PPFIA2: variants seen among roughly 807,000 people sequenced by gnomAD.
PPFIA2 encodes the protein liprin-alpha-2.
PPFIA2 carries 46 observed loss-of-function variants against 175.5 expected under a neutral mutation model. The observed-to-expected ratio is 0.26, with a 90% CI of 0.21 to 0.34. The LOEUF (loss-of-function observed/expected upper bound fraction) is 0.34. Ranked by LOEUF, PPFIA2 falls within the 10% of genes least tolerant of loss-of-function variation. The pLI is 1.00. For synonymous variants in PPFIA2, 568 were observed against 511.4 expected, an observed-to-expected ratio of 1.11 and a Z score of -1.49; for missense variants, 1,179 against 1,506.1, an observed-to-expected ratio of 0.78 and a Z score of 3.60.
At chr12:81,592,776 C>T (rs868137376) in intron 4 of PPFIA2, among the ~76,000 whole-genome samples, 1 of 152,006 alleles carries the variant, frequency 6.6e-6, no homozygotes, top group Non-Finnish European at 1.5e-5. Flanking sequence ...CGAACTAATA[C>T]ACAGGGTATC....
chr12:81,313,664 T>G (rs1172616797), intron 22 of PPFIA2, among the ~76,000 whole-genome samples: 1 of 152,030 alleles, frequency 6.6e-6, no homozygotes, highest in African/African-American at 2.4e-5. Context: ...GATTTTCTTG[T>G]CAACATACCT....
Position 81,405,846 on chromosome 12 carries a change from C to T in PPFIA2, c.703G>A (p.Gly235Arg), listed in dbSNP as rs1263390092. The T allele has an allele frequency of 6.3e-7, 1 of 1,581,736 alleles. No homozygotes were observed. Among genetic ancestry groups the T allele is most frequent in the East Asian group, 2.3e-5 (1 of 43,838 alleles). Residue 235 changes from glycine (G) to arginine (R), a missense_variant, in exon 8 of 33, where the codon GGA (glycine) becomes AGA (arginine). This residue lies in a region of PPFIA2 where 226 missense variants were observed against 216.6 expected (regional missense o/e 1.04). Transcript: ENST00000549396. ...TCAAGATGTTCTGACTCTGTGGATC[C>T]CTCGCTTGATGCCATTTTTCTTTGT... ...HIQRKMASSE[G>R]STESEHLEGM...
At chr12:81,692,432 G>A (rs1383746821) in intron 3 of PPFIA2, among the ~76,000 whole-genome samples, 1 of 151,952 alleles carries the variant, frequency 6.6e-6, no homozygotes, top group Non-Finnish European at 1.5e-5. Context: ...AAGTGTTCAG[G>A]TAATTATTTA....
chr12:81,264,943 T>C (rs1350659515), intron 30 of PPFIA2, among the ~76,000 whole-genome samples: 3 of 151,722 alleles, frequency 2.0e-5, no homozygotes, highest in Admixed American at 1.3e-4. Flanking sequence ...TAAAACACTA[T>C]GTTACACTGT....
At chr12:81,542,332 T>C (rs528631181) in intron 4 of PPFIA2, among the ~76,000 whole-genome samples, 1 of 152,242 alleles carries the variant, frequency 6.6e-6, no homozygotes, top group South Asian at 2.1e-4. Context: ...GAAAGGAGCA[T>C]GGCTCTGCCA....
chr12:81,356,028 A>G (rs1461788660), intron 16 of PPFIA2, among the ~76,000 whole-genome samples: 2 of 152,186 alleles, frequency 1.3e-5, no homozygotes, highest in African/African-American at 4.8e-5. Flanking sequence ...GGCTTAACTC[A>G]GCTTTTGACA....
At chr12:81,593,963 T>C (rs1452049823) in intron 4 of PPFIA2, among the ~76,000 whole-genome samples, 2 of 152,168 alleles carry the variant, frequency 1.3e-5, no homozygotes, top group Non-Finnish European at 2.9e-5. Flanking sequence ...AAGCTTCATC[T>C]GTATTTACAG....
chr12:81,612,317 T>C (rs1191316906), intron 4 of PPFIA2, among the ~76,000 whole-genome samples: 1 of 152,158 alleles, frequency 6.6e-6, no homozygotes, highest in African/African-American at 2.4e-5. Context: ...CTCACTCACT[T>C]GTTCAACAAA....
At chr12:81,318,426 A>G (rs1479919073) in intron 22 of PPFIA2, among the ~76,000 whole-genome samples, 1 of 151,766 alleles carries the variant, frequency 6.6e-6, no homozygotes, top group East Asian at 1.9e-4. Context: ...GGTAAATTAT[A>G]TATGTTCCCC....
At chr12:81,420,340 G>A (rs745790742) in intron 7 of PPFIA2, among the ~76,000 whole-genome samples, 8 of 151,980 alleles carry the variant, frequency 5.3e-5, no homozygotes, top group Non-Finnish European at 8.8e-5. Flanking sequence ...AAGAAATGGA[G>A]AATAATAAGT....
At chr12:81,697,011 A>G (rs565234149) in intron 3 of PPFIA2, among the ~76,000 whole-genome samples, 19 of 152,208 alleles carry the variant, frequency 1.2e-4, no homozygotes, top group African/African-American at 4.1e-4. Context: ...CAGGTTTGTT[A>G]TGAGTCTAGA....
chr12:81,314,256 G>GT (rs1038895355), intron 22 of PPFIA2, among the ~76,000 whole-genome samples: 12 of 151,704 alleles, frequency 7.9e-5, no homozygotes, highest in Admixed American at 7.9e-4. Flanking sequence ...TTGCAGAGAA[G>GT]TTTTTTCTGA....
At chr12:81,537,750 C>T (rs372704388) in intron 4 of PPFIA2, among the ~76,000 whole-genome samples, 1 of 151,800 alleles carries the variant, frequency 6.6e-6, no homozygotes, top group Non-Finnish European at 1.5e-5. Flanking sequence ...TTTCCAGGGC[C>T]TGACACCATG....
In PPFIA2 at chr12:81,685,131, T is replaced by C. The variant is rs147987703; in HGVS notation, c.250-8287A>G. 5.9e-4 allele frequency among the ~76,000 whole-genome samples: 90 copies of C among 152,168 alleles called. 1 individual carries two copies. Among genetic ancestry groups the C allele is most frequent in the African/African-American group, 2.0e-3 (82 of 41,568 alleles). On this transcript the variant is annotated intron_variant, in intron 3 of 32. Transcript: ENST00000549396. ...GGTTCACAGCACTGGGAATAAGTAA[T>C]AGAAGATAAAATTTATTTTAAACAA...
chr12:81,521,102 T>C (rs2063066325), intron 4 of PPFIA2, among the ~76,000 whole-genome samples: 1 of 151,828 alleles, frequency 6.6e-6, no homozygotes, highest in African/African-American at 2.4e-5. Context: ...AAAAGTGAGG[T>C]CCTAAATATT....
At chr12:81,575,411 T>C (rs2073331835) in intron 4 of PPFIA2, among the ~76,000 whole-genome samples, 1 of 151,798 alleles carries the variant, frequency 6.6e-6, no homozygotes, top group Admixed American at 6.6e-5. Context: ...TTATTCAAAG[T>C]GTTTCATGAG....
intron 4 of PPFIA2, among the ~76,000 whole-genome samples, chr12:81,564,013 T>C (rs780538801): frequency 6.6e-6 from 1 of 152,194 alleles, no homozygotes; most frequent in Admixed American, 6.5e-5. Context: ...TAAAAAAGTA[T>C]TCAACATAAA....
intron 7 of PPFIA2, among the ~76,000 whole-genome samples, chr12:81,411,042 A>G (rs1005590275): frequency 6.6e-6 from 1 of 152,074 alleles, no homozygotes; most frequent in Non-Finnish European, 1.5e-5. Context: ...TGTCACTTGC[A>G]ACTAAAAGTG....
intron 4 of PPFIA2, among the ~76,000 whole-genome samples, chr12:81,631,307 T>A (rs2063357490): frequency 6.6e-6 from 1 of 152,154 alleles, no homozygotes; most frequent in African/African-American, 2.4e-5. Context: ...GAATATAAAA[T>A]TTGGATTATG....
Sources: allele counts gnomAD v4.1 joint callset (sites outside exome capture counted in the v4.1 genomes callset), GRCh38; gene constraint gnomAD v4.1.1; regional missense constraint gnomAD v4.1.1; transcripts MANE v1.5; gene names NCBI Gene and HGNC (gene_info 2026-07-23, HGNC 2026-07-21).